CYP26B1: variants seen among roughly 807,000 people sequenced by gnomAD.
The protein encoded by CYP26B1 is cytochrome P450 26B1.
In CYP26B1, 8 loss-of-function variants were observed where a neutral mutation model predicts 39.1. The observed-to-expected ratio is 0.20, with a 90% confidence interval of 0.12 to 0.37. The LOEUF (loss-of-function observed/expected upper bound fraction) is 0.37. Ranked by LOEUF, CYP26B1 falls within the 10% of genes least tolerant of loss-of-function variation. CYP26B1 has a pLI of 1.00. For synonymous variants in CYP26B1, 321 were observed against 314.3 expected (o/e 1.02, Z -0.23); for missense variants, 615 against 707.0 (o/e 0.87, Z 1.48).
rs756989083 is a variant in CYP26B1, at chr2:72,147,754, G to T, written c.81C>A (p.Ala27=). The T allele has an allele frequency of 6.3e-7, 1 of 1,587,450 alleles. No homozygotes were observed. The highest frequency in any genetic ancestry group is 1.8e-5 in the Admixed American group (1 of 57,124). ...GCAGCTGCCACAGCTGCTGCGACAC[G>T]GCCAGCAGCAGCGTCACGGACACCA... The part of the protein sequence containing the change: ...ACLVSVTLLL[A]VSQQLWQLRW... The change falls in exon 1 of 6, where the codon GCC becomes GCA. Residue 27 remains alanine, a synonymous_variant. Transcript: ENST00000001146. The surrounding 1 kb of genome is among the most constrained non-coding windows in gnomAD (Gnocchi z 6.1).
chr2:72,135,240 A>G lies in CYP26B1; in HGVS notation c.609T>C (p.Pro203=), dbSNP rs1372278689. The change falls in exon 3 of 6, where the codon CCT becomes CCC. Residue 203 remains proline (P), a synonymous_variant. Transcript: ENST00000001146. ...AIRVLLGFSI[P]EEDLGHLFEV... ...CAAAGAGGTGCCCAAGGTCCTCCTC[A>G]GGGATGCTGAAGCCCAGCAGCACCC... The G allele has an allele frequency of 1.2e-6, 2 of 1,614,086 alleles. No individual in the cohort carries two copies. The highest frequency in any genetic ancestry group is 3.3e-5 in the Admixed American group (2 of 60,034).
At chr2:72,143,524 C>T (rs1213276622) in intron 2 of CYP26B1, among the ~76,000 whole-genome samples, 1 of 152,146 alleles carries the variant, frequency 6.6e-6, no homozygotes, top group South Asian at 2.1e-4. Context: ...CAAGCTGTCC[C>T]CAACCTCCAC....
At chr2:72,146,261 A>T (rs1293117639) in intron 1 of CYP26B1, among the ~76,000 whole-genome samples, 1 of 146,070 alleles carries the variant, frequency 6.8e-6, no homozygotes, top group Non-Finnish European at 1.5e-5. Flanking sequence ...TGCCCAAGTT[A>T]TTTTATTTCC....
In CYP26B1 at chr2:72,133,061, C is replaced by T. The variant is rs1572921717; in HGVS notation, c.1108G>A (p.Gly370Ser). 2 of 1,613,264 alleles carry T rather than the reference C, an allele frequency of 1.2e-6. No homozygotes were observed. The highest frequency in any genetic ancestry group is 1.7e-6 in the Non-Finnish European group (2 of 1,179,992). Reference protein sequence around the residue: ...EVMRLFTPISGGYRTVLQTFE... With the variant: ...EVMRLFTPISSGYRTVLQTFE... ...GTCTGCAGCACAGTGCGGTAGCCGC[C>T]GGAAATGGGCGTGAACAGGCGCATG... The change falls in exon 5 of 6, where the codon GGC (glycine) becomes AGC (serine). Residue 370 changes from glycine (G) to serine (S), a missense_variant. Transcript: ENST00000001146.
At chr2:72,132,818 A>G (rs1306918370) in intron 5 of CYP26B1, among the ~76,000 whole-genome samples, 199 bp from the exon 6 acceptor site, 3 of 152,240 alleles carry the variant, frequency 2.0e-5, no homozygotes, top group Non-Finnish European at 2.9e-5. Context: ...AGATGTGCAC[A>G]TGTGACTTCA....
Position 72,132,312 on chromosome 2 carries a change from C to T in CYP26B1, c.1454G>A (p.Gly485Asp), listed in dbSNP as rs1313251968. The T allele has an allele frequency of 6.2e-7, 1 of 1,608,206 alleles. No individual in the cohort carries two copies. The highest frequency in any genetic ancestry group is 1.7e-5 in the Admixed American group (1 of 58,934). ...CAGGCCAAAGAACTTGACGCTGAGG[C>T]CATCCACGGGGTGCAGGACGGGGAC... is the stretch of plus-strand genomic sequence containing the variant. ...TLVPVLHPVD[G>D]LSVKFFGLDS... The change falls in exon 6 of 6, where the codon GGC (glycine) becomes GAC (aspartate). Residue 485 changes from glycine to aspartate, a missense_variant. Coordinates refer to ENST00000001146, the MANE Select transcript of CYP26B1 (RefSeq NM_019885.4).
chr2:72,144,054 G>A lies in CYP26B1; in HGVS notation c.364C>T (p.Arg122Cys). Residue 122 changes from arginine (R) to cysteine (C), a missense_variant, in exon 2 of 6, where the codon CGC (arginine) becomes TGC (cysteine). Arg to Cys is a radical substitution (Grantham distance 180). Transcript: ENST00000001146. Reference protein sequence around the residue: ...LVSTEWPRSTRMLLGPNTVSN... With the variant: ...LVSTEWPRSTCMLLGPNTVSN... ...ACCGTGTTGGGGCCCAGCAACATGC[G>A]GGTGCTGCGAGGCCACTCGGTGCTC... 6.2e-7 allele frequency: 1 copy of A among 1,613,832 alleles called. No individual in the cohort carries two copies. Among genetic ancestry groups the A allele is most frequent in the Middle Eastern group, 1.6e-4 (1 of 6,062 alleles).
rs750021276 is a variant in CYP26B1, at chr2:72,129,354, A to T, written c.*2873T>A. 3.9e-5 allele frequency: 6 copies of T among 152,670 alleles called. No individual in the cohort carries two copies. Among genetic ancestry groups the T allele is most frequent in the Non-Finnish European group, 8.8e-5 (6 of 68,036 alleles). The allele number at this position is 152,670 out of a possible 1,614,324, so 9.5% of individuals were successfully genotyped here. A position where few individuals can be genotyped will look rare whatever the true frequency, so the allele number is the denominator to read the frequency against. ...ATGCAACATGGAATATTATATACAG[A>T]TTAAAACCACGACAGCAAAAACACT... On this transcript the variant is annotated 3_prime_UTR_variant, in exon 6 of 6. Coordinates refer to ENST00000001146, the MANE Select transcript of CYP26B1 (RefSeq NM_019885.4).
At chr2:72,137,840 C>T (rs1048332588) in intron 2 of CYP26B1, among the ~76,000 whole-genome samples, 3 of 152,192 alleles carry the variant, frequency 2.0e-5, no homozygotes, top group African/African-American at 7.2e-5. Flanking sequence ...TAGAATAAGC[C>T]GGAAAAGCCA....
At chr2:72,132,879 C>G (rs2104036299) in intron 5 of CYP26B1, 144 bp downstream of exon 5, 1 of 1,422,780 alleles carries the variant, frequency 7.0e-7, no homozygotes, top group East Asian at 2.5e-5. Context: ...CGCACTTCTC[C>G]CATCGGACTG....
intron 1 of CYP26B1, among the ~76,000 whole-genome samples, chr2:72,144,961 G>A (rs1250583855): frequency 2.0e-5 from 3 of 152,156 alleles, no homozygotes; most frequent in East Asian, 1.9e-4. Flanking sequence ...CCGGACTCTC[G>A]AAACGGCTGG....
At chr2:72,137,542 G>A (rs888035562) in intron 2 of CYP26B1, among the ~76,000 whole-genome samples, 14 of 152,156 alleles carry the variant, frequency 9.2e-5, no homozygotes, top group Non-Finnish European at 1.6e-4. Flanking sequence ...TAGTGGCCAG[G>A]AGGGGCCATC....
intron 1 of CYP26B1, among the ~76,000 whole-genome samples, chr2:72,146,244 G>A (rs528722086): frequency 6.6e-6 from 1 of 152,180 alleles, no homozygotes; most frequent in South Asian, 2.1e-4. Flanking sequence ...TAAAAGGCGG[G>A]AGCCGTTGCC....
Position 72,140,443 on chromosome 2 carries a change from T to C in CYP26B1, c.429+3546A>G, listed in dbSNP as rs114527882. Among the ~76,000 whole-genome samples, 916 of 152,344 alleles carry C rather than the reference T, an allele frequency of 6.0e-3. 7 individuals are homozygous for C. Among genetic ancestry groups the C allele is most frequent in the African/African-American group, 0.021 (867 of 41,580 alleles). On this transcript the variant is annotated intron_variant, in intron 2 of 5. Transcript: ENST00000001146. ...TGGCAGAACAAAGGCGTTGTGCCTA[T>C]GCCAAGGGGCTGGGGCAGAGCTCCC... is the stretch of plus-strand genomic sequence containing the variant.
intron 2 of CYP26B1, among the ~76,000 whole-genome samples, chr2:72,137,042 G>C (rs1676799156): frequency 6.6e-6 from 1 of 152,184 alleles, no homozygotes; most frequent in Non-Finnish European, 1.5e-5. Context: ...CCAGAGGTGG[G>C]ACAGGGAGGG....
chr2:72,133,442 C>G lies in CYP26B1; in HGVS notation c.862-135G>C. 2.6e-6 allele frequency: 3 copies of G among 1,152,178 alleles called. No homozygotes were observed. In the South Asian group the frequency reaches 4.0e-5, roughly 15 times the overall value. The allele number at this position is 1,152,178 out of a possible 1,614,324, so 71.4% of individuals were successfully genotyped here. The stretch of plus-strand genomic sequence containing the variant: ...CTGGTTCCTGCAGTGAATTCTGCTT[C>G]CTCTGAGCTTCATGTTGCCGGGGCA... On this transcript the variant is annotated intron_variant, in intron 4 of 5. Coordinates refer to ENST00000001146, the MANE Select transcript of CYP26B1 (RefSeq NM_019885.4).
chr2:72,145,745 G>A (rs1677106651), intron 1 of CYP26B1, among the ~76,000 whole-genome samples: 1 of 151,820 alleles, frequency 6.6e-6, no homozygotes, highest in Non-Finnish European at 1.5e-5. Flanking sequence ...TAATTAAAGT[G>A]CGTTTTTTGT....
intron 2 of CYP26B1, 109 bp from the exon 3 acceptor site, chr2:72,135,528 C>T (rs1019745229): frequency 1.3e-6 from 2 of 1,496,852 alleles, no homozygotes; most frequent in Non-Finnish European, 9.1e-7. Context: ...TCAGCTTCCA[C>T]ACAACAGCAA....
At chr2:72,139,940 G>A (rs898643167) in intron 2 of CYP26B1, among the ~76,000 whole-genome samples, 1 of 151,508 alleles carries the variant, frequency 6.6e-6, no homozygotes, top group Non-Finnish European at 1.5e-5. Context: ...TGAGGGTGAG[G>A]CCAGCTGTCC....
Sources: gnomAD v4.1 joint callset for allele counts (sites outside exome capture counted in the v4.1 genomes callset) on GRCh38, gnomAD v4.1.1 for gene constraint, Gnocchi (gnomAD v3.1) non-coding constraint, MANE v1.5 for transcripts, NCBI Gene and HGNC (gene_info 2026-07-23, HGNC 2026-07-21) for gene names.